The following DLGAP2 variants were observed in gnomAD, a reference collection of about 807,000 sequenced individuals.
The protein encoded by DLGAP2 is disks large-associated protein 2.
DLGAP2 carries 26 observed loss-of-function variants against 100.3 expected under a neutral mutation model. The ratio of observed to expected loss-of-function variants is 0.26; its 90% CI spans 0.19 to 0.36. The LOEUF is 0.36. Among genes scored for constraint, DLGAP2 ranks in the 10% least tolerant of loss-of-function variants. The pLI is 1.00. For missense variants in DLGAP2, 1,858 were observed against 1,453.2 expected (o/e 1.28, Z -4.53); for synonymous variants, 886 against 630.1 (o/e 1.41, Z -6.08).
chr8:1,098,136 G>A (rs923659188), intron 2 of DLGAP2, among the ~76,000 whole-genome samples: 1 of 152,234 alleles, frequency 6.6e-6, no homozygotes, highest in Admixed American at 6.5e-5. Flanking sequence ...CTGGACACAC[G>A]TCCCTCCCCA....
intron 2 of DLGAP2, among the ~76,000 whole-genome samples, chr8:1,095,038 G>A (rs1236249516): frequency 6.6e-6 from 1 of 152,090 alleles, no homozygotes; most frequent in Non-Finnish European, 1.5e-5. Flanking sequence ...AGACAGCCTG[G>A]TGCAACAGCC....
chr8:1,411,124 T>G (rs953943489), intron 3 of DLGAP2, among the ~76,000 whole-genome samples: 1 of 152,190 alleles, frequency 6.6e-6, no homozygotes, highest in African/African-American at 2.4e-5. Flanking sequence ...TGGTCTCTTG[T>G]TCTGGAAACC....
At chr8:1,317,247 G>T (rs373652346) in intron 3 of DLGAP2, among the ~76,000 whole-genome samples, 1 of 101,552 alleles carries the variant, frequency 9.8e-6, no homozygotes, top group Non-Finnish European at 2.0e-5. Context: ...AAAATAGAGC[G>T]TGTGCGAGTG....
In DLGAP2 at chr8:804,468, C is replaced by T. The variant is rs114354347; in HGVS notation, c.18+66643C>T. 5.4e-3 allele frequency among the ~76,000 whole-genome samples: 819 copies of T among 152,212 alleles called. 4 individuals are homozygous for T. Among genetic ancestry groups the T allele is most frequent in the Admixed American group, 7.9e-3 (121 of 15,276 alleles). On this transcript the variant is annotated intron_variant, in intron 1 of 14. Coordinates refer to ENST00000637795, the MANE Select transcript of DLGAP2 (RefSeq NM_001346810.2). ...CTGTTTCGAGGAGATCTTGGGTGAC[C>T]GATTCTCCGGCCTTGTTGCTGTTTC...
chr8:1,600,762 T>A (rs1277382586), intron 6 of DLGAP2, among the ~76,000 whole-genome samples: 2 of 152,218 alleles, frequency 1.3e-5, no homozygotes, highest in Non-Finnish European at 2.9e-5. Flanking sequence ...TTATTCTAGT[T>A]AGCAATTCCT....
At chr8:1,417,688 C>CGGGGAGCCCCACTCCTGCCTCACTCAGCG (rs1796957445) in intron 3 of DLGAP2, among the ~76,000 whole-genome samples, 1 of 143,726 alleles carries the variant, frequency 7.0e-6, no homozygotes. Context: ...CAGGGGGGCA[C>CGGGGAGCCCCACTCCTGCCTCACTCAGCG]AGGGGGCCCC....
intron 3 of DLGAP2, among the ~76,000 whole-genome samples, chr8:1,463,045 T>C (rs1371467679): frequency 6.6e-6 from 1 of 152,066 alleles, no homozygotes; most frequent in Non-Finnish European, 1.5e-5. Context: ...GGTCAGGAGT[T>C]CAAGACCAGC....
chr8:1,580,993 T>A (rs1023461184), intron 6 of DLGAP2, among the ~76,000 whole-genome samples: 1 of 144,046 alleles, frequency 6.9e-6, no homozygotes, highest in Non-Finnish European at 1.5e-5. Context: ...AAGTGAAGGA[T>A]ACAGACAAAA....
chr8:1,069,246 G>T (rs995429073), intron 2 of DLGAP2, among the ~76,000 whole-genome samples: 1 of 152,206 alleles, frequency 6.6e-6, no homozygotes, highest in Non-Finnish European at 1.5e-5. Flanking sequence ...GGGCAGGGAA[G>T]TGGGAGAGGT....
intron 8 of DLGAP2, among the ~76,000 whole-genome samples, chr8:1,662,858 A>C (rs56299051): frequency 5.9e-4 from 88 of 148,726 alleles, no homozygotes; most frequent in African/African-American, 2.2e-3. Context: ...CTGTGTGTAC[A>C]CGTGTGAGTG....
intron 2 of DLGAP2, among the ~76,000 whole-genome samples, chr8:1,149,191 G>C (rs758269147): frequency 6.6e-6 from 1 of 152,150 alleles, no homozygotes; most frequent in Non-Finnish European, 1.5e-5. Flanking sequence ...TGTTGCCCAG[G>C]CTGAAGTGCA....
chr8:1,615,560 A>G (rs1018891575), intron 6 of DLGAP2, among the ~76,000 whole-genome samples: 1 of 152,202 alleles, frequency 6.6e-6, no homozygotes, highest in Non-Finnish European at 1.5e-5. Flanking sequence ...CTCACCGGAA[A>G]GATCTTTAAA....
intron 8 of DLGAP2, among the ~76,000 whole-genome samples, chr8:1,652,961 C>T (rs746699979): frequency 1.3e-5 from 2 of 152,200 alleles, no homozygotes; most frequent in Non-Finnish European, 2.9e-5. Context: ...TGCCCTTTGC[C>T]TTGGGCCCAT....
At chr8:1,150,291 C>G (rs1294498125) in intron 2 of DLGAP2, among the ~76,000 whole-genome samples, 1 of 152,210 alleles carries the variant, frequency 6.6e-6, no homozygotes, top group African/African-American at 2.4e-5. Flanking sequence ...TTAAAGCTGT[C>G]ATTACACTGT....
At chr8:1,291,527 G>A (rs1294569814) in intron 3 of DLGAP2, among the ~76,000 whole-genome samples, 1 of 152,200 alleles carries the variant, frequency 6.6e-6, no homozygotes, top group Non-Finnish European at 1.5e-5. Context: ...CCATGACACA[G>A]AGGGTTTTGT....
chr8:1,570,773 G>T (rs1032430515), intron 6 of DLGAP2, among the ~76,000 whole-genome samples: 2 of 151,380 alleles, frequency 1.3e-5, no homozygotes, highest in Admixed American at 1.3e-4. Flanking sequence ...GAACTGCGGG[G>T]GTGTCTGATG....
intron 2 of DLGAP2, among the ~76,000 whole-genome samples, chr8:1,254,976 C>CTCTCATCCTGCTT (rs1563043210): frequency 1.8e-5 from 2 of 109,878 alleles, no homozygotes; most frequent in African/African-American, 8.7e-5. Context: ...TCATCCTGTC[C>CTCTCATCCTGCTT]GGGTGCTGTG....
chr8:1,153,519 C>G (rs1330775704), intron 2 of DLGAP2, among the ~76,000 whole-genome samples: 1 of 152,088 alleles, frequency 6.6e-6, no homozygotes, highest in Non-Finnish European at 1.5e-5. Flanking sequence ...CACATTCTAC[C>G]AATGTTGATG....
chr8:886,694 T>C (rs957833163), intron 1 of DLGAP2, among the ~76,000 whole-genome samples: 1 of 152,368 alleles, frequency 6.6e-6, no homozygotes, highest in Non-Finnish European at 1.5e-5. Context: ...AGTGAGTTTC[T>C]TAATCCCAAG....
Sources: allele counts gnomAD v4.1 joint callset (sites outside exome capture counted in the v4.1 genomes callset), GRCh38; gene constraint gnomAD v4.1.1; transcripts MANE v1.5; gene names NCBI Gene and HGNC (gene_info 2026-07-23, HGNC 2026-07-21).